Variants in ARHGEF10L observed in about 807,000 individuals in gnomAD.
ARHGEF10L encodes the protein rho guanine nucleotide exchange factor 10-like protein.
ARHGEF10L carries 69 observed loss-of-function variants against 141.2 expected under a neutral mutation model. That is an observed-to-expected ratio of 0.49 (90% CI 0.40 to 0.60). ARHGEF10L has a LOEUF of 0.60. Ranked by LOEUF, ARHGEF10L falls within the 20% of genes least tolerant of loss-of-function variation. The pLI, the probability that ARHGEF10L is intolerant of heterozygous loss-of-function variation, is 0.00. For synonymous variants in ARHGEF10L, 711 were observed against 718.5 expected, an observed-to-expected ratio of 0.99 and a Z score of 0.17; for missense variants, 1,482 against 1,734.3, an observed-to-expected ratio of 0.85 and a Z score of 2.58.
At chr1:17,590,282 T>G (rs1350587375) in intron 4 of ARHGEF10L, among the ~76,000 whole-genome samples, 1 of 151,976 alleles carries the variant, frequency 6.6e-6, no homozygotes, top group Non-Finnish European at 1.5e-5. Context: ...GAGGAAAGAT[T>G]TTTGCCCACT....
intron 1 of ARHGEF10L, among the ~76,000 whole-genome samples, chr1:17,568,300 T>C (rs2077845850): frequency 6.6e-6 from 1 of 152,220 alleles, no homozygotes; most frequent in South Asian, 2.1e-4. Flanking sequence ...TATTATCTCA[T>C]TTAATCATTA....
At chr1:17,695,347 C>A (rs865979163) in intron 28 of ARHGEF10L, 67 bp downstream of exon 28, 2 of 1,523,828 alleles carry the variant, frequency 1.3e-6, no homozygotes, top group South Asian at 2.6e-5. Flanking sequence ...TGGGGCTTGG[C>A]GGGGAGGGTG....
intron 26 of ARHGEF10L, among the ~76,000 whole-genome samples, chr1:17,682,644 A>T (rs2064215869): frequency 6.6e-6 from 1 of 152,064 alleles, no homozygotes; most frequent in Non-Finnish European, 1.5e-5. Flanking sequence ...ACCTAACAGC[A>T]CGGTTTCTGG....
Position 17,613,072 on chromosome 1 carries a change from G to A in ARHGEF10L, c.624G>A (p.Leu208=). ...TGGGGCTCCAGCTTTCTCCAGACCT[G>A]ACTAGGCTAAAGGAGAGATACGCCA... The part of the protein sequence containing the change: ...VSFQPKLSPD[L]TRLKERYART... Residue 208 remains leucine, a synonymous_variant, in exon 8 of 29, where the codon CTG becomes CTA. Coordinates refer to ENST00000361221, the MANE Select transcript of ARHGEF10L (RefSeq NM_018125.4). 1.2e-6 allele frequency: 2 copies of A among 1,613,872 alleles called. No homozygotes were observed. Among genetic ancestry groups the A allele is most frequent in the Non-Finnish European group, 1.7e-6 (2 of 1,179,898 alleles).
At chr1:17,561,081 A>G (rs527895250) in intron 1 of ARHGEF10L, among the ~76,000 whole-genome samples, 80 of 152,342 alleles carry the variant, frequency 5.3e-4, no homozygotes, top group African/African-American at 1.8e-3. Context: ...AAAGATGGGA[A>G]TAACAAGCCT....
chr1:17,664,430 C>T lies in ARHGEF10L; in HGVS notation c.2861-17C>T, dbSNP rs2102174026. On this transcript the variant is annotated splice_polypyrimidine_tract_variant and intron_variant, in intron 25 of 28. Coordinates refer to ENST00000361221, the MANE Select transcript of ARHGEF10L (RefSeq NM_018125.4). The stretch of plus-strand genomic sequence containing the variant: ...GCCGCTCCTGGCCCCTGACCTGCCT[C>T]CCCTCTCTCCCTGCAGGAGGTGTCC... The T allele has an allele frequency of 6.3e-7, 1 of 1,599,258 alleles. No individual in the cohort carries two copies. Among genetic ancestry groups the T allele is most frequent in the Non-Finnish European group, 8.5e-7 (1 of 1,178,924 alleles).
Position 17,631,210 on chromosome 1 carries a change from G to A in ARHGEF10L, c.1585-1111G>A, listed in dbSNP as rs958509067. ...GATGGGGAAGGAAGGGGAGAGTAAT[G>A]GTTGTCGTCAGAGTCACGGGTTTTG... On this transcript the variant is annotated intron_variant, in intron 15 of 28. Coordinates refer to ENST00000361221, the MANE Select transcript of ARHGEF10L (RefSeq NM_018125.4). Among the ~76,000 whole-genome samples, 4 of 152,108 alleles carry A rather than the reference G, an allele frequency of 2.6e-5. No individual in the cohort carries two copies. The East Asian group carries it at 7.7e-4, about 29-fold the overall frequency.
chr1:17,693,155 A>G (rs2065228956), intron 27 of ARHGEF10L, among the ~76,000 whole-genome samples: 1 of 152,202 alleles, frequency 6.6e-6, no homozygotes, highest in South Asian at 2.1e-4. Context: ...TTACAATGAA[A>G]GAAAATAACA....
chr1:17,608,800 T>G (rs2059391233), intron 7 of ARHGEF10L, among the ~76,000 whole-genome samples: 1 of 152,178 alleles, frequency 6.6e-6, no homozygotes, highest in African/African-American at 2.4e-5. Context: ...TAATTATTCT[T>G]TTGAGGCAGA....
rs1356190067 is a variant in ARHGEF10L, at chr1:17,687,717, A to G, written c.3154A>G (p.Ile1052Val). 2.5e-6 allele frequency: 4 copies of G among 1,595,306 alleles called. No individual in the cohort carries two copies. Among genetic ancestry groups the G allele is most frequent in the South Asian group, 1.1e-5 (1 of 88,866 alleles). ...CCTGGAGCATCTGCAAGAGATCAAC[A>G]TCGCCACCAGGACCACCTTCCTCCT... Reference protein sequence around the residue: ...ETLEHLQEINIATRTTFLLPG... With the variant: ...ETLEHLQEINVATRTTFLLPG... The change falls in exon 27 of 29, where the codon ATC becomes GTC. Residue 1052 changes from isoleucine (I) to valine (V), a missense_variant. Coordinates refer to ENST00000361221, the MANE Select transcript of ARHGEF10L (RefSeq NM_018125.4).
chr1:17,643,919 CCAGAACAGGGCTG>C (rs892226698), intron 21 of ARHGEF10L, among the ~76,000 whole-genome samples: 168 of 152,262 alleles, frequency 1.1e-3, no homozygotes, highest in African/African-American at 3.8e-3. Flanking sequence ...GGTAAAAGCT[CCAGAACAGGGCTG>C]CAGATGGAAG....
the ARHGEF10L span, among the ~76,000 whole-genome samples, chr1:17,518,595 C>T: frequency 6.6e-6 from 1 of 151,734 alleles, no homozygotes; most frequent in African/African-American, 2.4e-5. Context: ...AGTTTGAGAC[C>T]AGCCTAGCCA....
At chr1:17,645,607 C>T (rs2061554042) in intron 21 of ARHGEF10L, among the ~76,000 whole-genome samples, 1 of 152,076 alleles carries the variant, frequency 6.6e-6, no homozygotes, top group Admixed American at 6.5e-5. Context: ...AGAGCAGGGA[C>T]AAGCTCTCAA....
At chr1:17,695,414 C>A in intron 28 of ARHGEF10L, 134 bp downstream of exon 28, 1 of 1,283,770 alleles carries the variant, frequency 7.8e-7, no homozygotes, top group Non-Finnish European at 1.0e-6. Context: ...CCTCTCATCT[C>A]AGGTGGCATG....
At chr1:17,616,034 C>T in intron 8 of ARHGEF10L, 60 bp from the exon 9 acceptor site, 1 of 1,475,090 alleles carries the variant, frequency 6.8e-7, no homozygotes, top group Non-Finnish European at 9.5e-7. Flanking sequence ...GGCGGGTGGC[C>T]CTCGGTAGCA....
chr1:17,569,326 G>A (rs1420028595), intron 1 of ARHGEF10L, among the ~76,000 whole-genome samples: 1 of 152,156 alleles, frequency 6.6e-6, no homozygotes, highest in Non-Finnish European at 1.5e-5. Flanking sequence ...GAGGGGTGTG[G>A]TTTGAATCAT....
chr1:17,520,846 G>A, the ARHGEF10L span, among the ~76,000 whole-genome samples: 3 of 152,198 alleles, frequency 2.0e-5, no homozygotes, highest in South Asian at 6.2e-4. Context: ...TTTACAGCTG[G>A]GAAAACTGAG....
Position 17,625,833 on chromosome 1 carries a change from C to G in ARHGEF10L, c.1318-123C>G. On this transcript the variant is annotated intron_variant, in intron 13 of 28. Transcript: ENST00000361221. The surrounding 1 kb of genome is among the most constrained non-coding windows in gnomAD (Gnocchi z 4.5). ...CCTCTCTCAGCTCTTCTTGCAAGCCCAGGGATAGGCAGGGTCTTAGGGCCT... is the reference window on the plus strand; with the variant it reads ...CCTCTCTCAGCTCTTCTTGCAAGCCGAGGGATAGGCAGGGTCTTAGGGCCT... 1 of 790,602 alleles carries G rather than the reference C, an allele frequency of 1.3e-6. No individual in the cohort carries two copies. Among genetic ancestry groups the G allele is most frequent in the South Asian group, 1.7e-5 (1 of 60,050 alleles). 49.0% of individuals were successfully genotyped at this position (790,602 alleles called of 1,614,324 possible). A position where few individuals can be genotyped will look rare whatever the true frequency, so the allele number is the denominator to read the frequency against.
At chr1:17,588,325 C>A in intron 3 of ARHGEF10L, 121 bp from the exon 4 acceptor site, 1 of 1,096,876 alleles carries the variant, frequency 9.1e-7, no homozygotes, top group South Asian at 1.4e-5. Flanking sequence ...CAGCAGGCAC[C>A]CAGACTGGCC....
Sources: allele counts gnomAD v4.1 joint callset (sites outside exome capture counted in the v4.1 genomes callset), GRCh38; gene constraint gnomAD v4.1.1; non-coding constraint Gnocchi (gnomAD v3.1); transcripts MANE v1.5; gene names NCBI Gene and HGNC (gene_info 2026-07-23, HGNC 2026-07-21).